RBFA: variants seen among roughly 807,000 people sequenced by gnomAD.
RBFA encodes the protein putative ribosome-binding factor A, mitochondrial.
RBFA carries 16 observed loss-of-function variants against 27.9 expected under a neutral mutation model. The ratio of observed to expected loss-of-function variants is 0.57; its 90% CI spans 0.39 to 0.87. The LOEUF is 0.87. RBFA is among the 40% of genes least tolerant of loss of function. RBFA has a pLI of 0.00. For missense variants in RBFA, 456 were observed against 432.1 expected (o/e 1.06, Z -0.49); for synonymous variants, 181 against 181.0 (o/e 1.00, Z 0.00).
At chr18:80,039,251 C>A (rs1026977160) in intron 4 of RBFA, among the ~76,000 whole-genome samples, 1 of 152,182 alleles carries the variant, frequency 6.6e-6, no homozygotes, top group African/African-American at 2.4e-5. Flanking sequence ...TTCCTATCAG[C>A]CCAGGAATTT....
Position 80,047,783 on chromosome 18 carries a change from T to C in RBFA, c.*1628T>C, listed in dbSNP as rs1238313605. On this transcript the variant is annotated 3_prime_UTR_variant, in exon 7 of 7. Transcript: ENST00000306735. ...TGCCTCTGTTACACCGTGAGCCAAA[T>C]GTTTATCTCTAGGGTTTCTGGTAGC... Among the ~76,000 whole-genome samples the C allele has an allele frequency of 1.3e-5, 2 of 152,150 alleles. No homozygotes were observed. Among genetic ancestry groups the C allele is most frequent in the Non-Finnish European group, 1.5e-5 (1 of 68,024 alleles).
At chr18:80,043,131 A>T (rs2052027742) in intron 5 of RBFA, among the ~76,000 whole-genome samples, 1 of 152,204 alleles carries the variant, frequency 6.6e-6, no homozygotes, top group Non-Finnish European at 1.5e-5. Flanking sequence ...AAGATTAAAA[A>T]CATGTAAATA....
At position 80,048,002 on chromosome 18, in the gene RBFA, A is replaced by ATGATGTATCTGGTGTTAC. The variant is rs2052068088; in HGVS notation, c.*1849_*1850insATGTATCTGGTGTTACTG. 6.6e-6 allele frequency: 1 copy of ATGATGTATCTGGTGTTAC among 152,248 alleles called. No individual in the cohort carries two copies. The highest frequency in any genetic ancestry group is 2.4e-5 in the African/African-American group (1 of 41,466). 9.4% of individuals were successfully genotyped at this position (152,248 alleles called of 1,614,324 possible). A position where few individuals can be genotyped will look rare whatever the true frequency, so the allele number is the denominator to read the frequency against. ...CTTTTGTATCTGGTGTTACTGGAAC[A>ATGATGTATCTGGTGTTAC]TGGCTATGTGAATTCATTTATGTAC... On this transcript the variant is annotated 3_prime_UTR_variant, in exon 7 of 7. Transcript: ENST00000306735.
Position 80,042,178 on chromosome 18 carries a change from A to T in RBFA, c.535A>T (p.Ile179Leu), listed in dbSNP as rs373493545. Residue 179 changes from isoleucine (I) to leucine (L), a missense_variant, in exon 5 of 7, where the codon ATA becomes TTA. By Grantham distance (5) the Ile-to-Leu change is conservative. Coordinates refer to ENST00000306735, the MANE Select transcript of RBFA (RefSeq NM_024805.3). ...SQQTLRNVPP[I>L]VFVQDKGNAA... is the part of the protein sequence containing the mutation. ...GCAGACCCTGAGGAATGTGCCACCGATAGTGTTTGTTCAAGACAAGGGAAA... is the reference window on the plus strand; with the variant it reads ...GCAGACCCTGAGGAATGTGCCACCGTTAGTGTTTGTTCAAGACAAGGGAAA... The T allele has an allele frequency of 2.9e-5, 47 of 1,611,188 alleles. No individual in the cohort carries two copies. The highest frequency in any genetic ancestry group is 3.9e-5 in the Non-Finnish European group (46 of 1,178,272).
intron 4 of RBFA, 89 bp downstream of exon 4, chr18:80,038,706 T>C: frequency 3.2e-6 from 3 of 927,696 alleles, no homozygotes; most frequent in Non-Finnish European, 4.9e-6. Flanking sequence ...CTTGAACTTT[T>C]CATTGAGTAT....
chr18:80,042,056 A>G, intron 4 of RBFA, 79 bp from the exon 5 acceptor site: 6 of 1,066,586 alleles, frequency 5.6e-6, no homozygotes, highest in Non-Finnish European at 8.1e-6. Flanking sequence ...TACATCTTGA[A>G]TCATATGTTC....
chr18:80,040,488 T>A (rs1291209359), intron 4 of RBFA, among the ~76,000 whole-genome samples: 1 of 152,100 alleles, frequency 6.6e-6, no homozygotes, highest in African/African-American at 2.4e-5. Flanking sequence ...GCTTAAGCGA[T>A]CCTCTGGCCT....
rs1019378638 is a variant in RBFA, at chr18:80,049,411, A to G, written c.*3256A>G. Among the ~76,000 whole-genome samples the G allele has an allele frequency of 6.6e-6, 1 of 152,074 alleles. No homozygotes were observed. Among genetic ancestry groups the G allele is most frequent in the Admixed American group, 6.5e-5 (1 of 15,270 alleles). ...TTCCCTGGATGATCCACTCCTGGGG[A>G]TTTTCCGCAGCTCTCCAGATGACGT... On this transcript the variant is annotated 3_prime_UTR_variant, in exon 7 of 7. Transcript: ENST00000306735.
intron 4 of RBFA, among the ~76,000 whole-genome samples, chr18:80,040,714 CTA>C (rs2052011027): frequency 6.6e-6 from 1 of 151,940 alleles, no homozygotes; most frequent in South Asian, 2.1e-4. Flanking sequence ...TTAAAAATGT[CTA>C]TGTAAGCATT....
intron 3 of RBFA, among the ~76,000 whole-genome samples, 198 bp downstream of exon 3, chr18:80,037,704 A>G (rs1047184716): frequency 7.2e-5 from 11 of 152,298 alleles, no homozygotes; most frequent in African/African-American, 2.6e-4. Context: ...CCTGGCTAAC[A>G]CAGTGAAATC....
Position 80,048,863 on chromosome 18 carries a change from C to T in RBFA, c.*2708C>T, listed in dbSNP as rs1157799340. Among the ~76,000 whole-genome samples, 6 of 141,782 alleles carry T rather than the reference C, an allele frequency of 4.2e-5. No individual in the cohort carries two copies. The highest frequency in any genetic ancestry group is 1.4e-4 in the Admixed American group (2 of 14,306). The allele number at this position is 141,782 out of a possible 152,430, so 93.0% of individuals were successfully genotyped here. A position where few individuals can be genotyped will look rare whatever the true frequency, so the allele number is the denominator to read the frequency against. ...AGAAAGTGGAGTGTGGGCATGTTTG[C>T]AGGGGATCCAACCAGGCGTCGGCTC... On this transcript the variant is annotated 3_prime_UTR_variant, in exon 7 of 7. Transcript: ENST00000306735.
Position 80,038,528 on chromosome 18 carries a change from A to T in RBFA, c.402A>T (p.Ser134=), listed in dbSNP as rs2051996345. 1 of 1,613,540 alleles carries T rather than the reference A, an allele frequency of 6.2e-7. No individual in the cohort carries two copies. The highest frequency in any genetic ancestry group is 1.3e-5 in the African/African-American group (1 of 75,034). The change falls in exon 4 of 7, where the codon TCA becomes TCT. Residue 134 remains serine, a synonymous_variant. Transcript: ENST00000306735. ...LSKVSLTPDF[S]ACRAYWKTTL... is the part of the protein sequence containing the mutation. ...AGGTTTCCCTGACTCCAGACTTCTC[A>T]GCCTGCCGAGCGTACTGGAAGACAA...
Position 80,046,978 on chromosome 18 carries a change from C to T in RBFA, c.*823C>T, listed in dbSNP as rs1285644079. 1 of 152,388 alleles carries T rather than the reference C, an allele frequency of 6.6e-6. No homozygotes were observed. Among genetic ancestry groups the T allele is most frequent in the Admixed American group, 6.5e-5 (1 of 15,282 alleles). The allele number at this position is 152,388 out of a possible 1,614,324, so 9.4% of individuals were successfully genotyped here. A position where few individuals can be genotyped will look rare whatever the true frequency, so the allele number is the denominator to read the frequency against. ...TTTTGCTGTTTATCAGAAGAGAAAA[C>T]ACAGATTCCATACCTTGTCAGCTCC... On this transcript the variant is annotated 3_prime_UTR_variant, in exon 7 of 7. Transcript: ENST00000306735.
At position 80,042,159 on chromosome 18, in the gene RBFA, C is replaced by G. The variant is rs376608036; in HGVS notation, c.516C>G (p.Thr172=). ...GGCACCTTTTGATGTCCCAGCAGACCCTGAGGAATGTGCCACCGATAGTGT... is the reference window on the plus strand; with the variant it reads ...GGCACCTTTTGATGTCCCAGCAGACGCTGAGGAATGTGCCACCGATAGTGT... ...HMRHLLMSQQ[T]LRNVPPIVFV... The change falls in exon 5 of 7, where the codon ACC becomes ACG. Residue 172 remains threonine, a synonymous_variant. Transcript: ENST00000306735. 119 of 1,610,850 alleles carry G rather than the reference C, an allele frequency of 7.4e-5. No individual in the cohort carries two copies. Among genetic ancestry groups the G allele is most frequent in the Non-Finnish European group, 9.9e-5 (117 of 1,178,098 alleles).
chr18:80,036,115 G>GA (rs1052925940), intron 1 of RBFA: 5 of 152,210 alleles, frequency 3.3e-5, no homozygotes, highest in African/African-American at 1.2e-4. Flanking sequence ...CTCATCTGAC[G>GA]AAAGGATATA....
rs763678999 is a variant in RBFA, at chr18:80,037,468, A to G, written c.340A>G (p.Ser114Gly). The change falls in exon 3 of 7, where the codon AGT (serine) becomes GGT (glycine). Residue 114 changes from serine to glycine, a missense_variant. By Grantham distance (56) the Ser-to-Gly change is moderately conservative. Coordinates refer to ENST00000306735, the MANE Select transcript of RBFA (RefSeq NM_024805.3). ...AGACCTGCTGTGTACCCCTGAAGTG[A>G]GTCAGGAGCTGTATGACCTTAACGT... ...LTDLLCTPEV[S>G]QELYDLNVEL... 38 of 1,613,820 alleles carry G rather than the reference A, an allele frequency of 2.4e-5. No individual in the cohort carries two copies. In the South Asian group the frequency reaches 4.1e-4, roughly 17 times the overall value.
intron 3 of RBFA, 92 bp downstream of exon 3, chr18:80,037,598 A>G: frequency 8.3e-7 from 1 of 1,210,726 alleles, no homozygotes; most frequent in Non-Finnish European, 1.2e-6. Flanking sequence ...AATTAAAAAA[A>G]GACGCTTTAG....
intron 1 of RBFA, 44 bp from the exon 2 acceptor site, chr18:80,036,624 T>A: frequency 3.3e-6 from 5 of 1,494,360 alleles, no homozygotes; most frequent in Non-Finnish European, 4.7e-6. Context: ...ATGTAACTTT[T>A]TGACTTTGCC....
rs1045367499 is a variant in RBFA, at chr18:80,034,856, C to CA, written c.158+206dup. On this transcript the variant is annotated intron_variant, in intron 1 of 6. Coordinates refer to ENST00000306735, the MANE Select transcript of RBFA (RefSeq NM_024805.3). ...GTGGACGTGTGTCGGGTTAAGAAAA[C>CA]AAAGTGACAATGTGTGTTTATTTTG... 3 of 547,674 alleles carry CA rather than the reference C, an allele frequency of 5.5e-6. No homozygotes were observed. The African/African-American group carries it at 6.0e-5, about 11-fold the overall frequency. The allele number at this position is 547,674 out of a possible 1,614,324, so 33.9% of individuals were successfully genotyped here. A position where few individuals can be genotyped will look rare whatever the true frequency, so the allele number is the denominator to read the frequency against.
Sources: gnomAD v4.1 joint callset for allele counts (sites outside exome capture counted in the v4.1 genomes callset) on GRCh38, gnomAD v4.1.1 for gene constraint, MANE v1.5 for transcripts, NCBI Gene and HGNC (gene_info 2026-07-23, HGNC 2026-07-21) for gene names.